The following LRP1B variants were observed in gnomAD, a reference collection of about 807,000 sequenced individuals.
LRP1B encodes LDL receptor related protein 1B.
In LRP1B, 217 loss-of-function variants were observed where a neutral mutation model predicts 556.6. The observed-to-expected ratio is 0.39, with a 90% CI of 0.35 to 0.44. The LOEUF (loss-of-function observed/expected upper bound fraction) is 0.44, where lower values mean the gene tolerates loss of function less well. Among genes scored for constraint, LRP1B ranks in the 20% least tolerant of loss-of-function variants. The pLI, the probability that LRP1B is intolerant of heterozygous loss-of-function variation, is 1.00. For synonymous variants in LRP1B, 2,047 were observed against 1,865.8 expected, an observed-to-expected ratio of 1.10 and a Z score of -2.50; for missense variants, 5,053 against 5,620.8, an observed-to-expected ratio of 0.90 and a Z score of 3.23.
chr2:140,700,011 A>G (rs1686574147), intron 41 of LRP1B, among the ~76,000 whole-genome samples: 1 of 147,742 alleles, frequency 6.8e-6, no homozygotes, highest in African/African-American at 2.5e-5. Context: ...GATAAAACAT[A>G]TTAAACCTTC....
intron 66 of LRP1B, among the ~76,000 whole-genome samples, chr2:140,391,177 T>C (rs924055701): frequency 7.2e-5 from 11 of 152,140 alleles, no homozygotes; most frequent in Non-Finnish European, 4.4e-5. Context: ...ACATTGAATA[T>C]TACCCAAGAA....
chr2:141,530,549 T>G (rs907720689), intron 2 of LRP1B, among the ~76,000 whole-genome samples: 4 of 151,360 alleles, frequency 2.6e-5, no homozygotes, highest in Admixed American at 2.0e-4. Context: ...AGTGAATAAG[T>G]CAATGTACCT....
intron 2 of LRP1B, among the ~76,000 whole-genome samples, chr2:141,575,842 A>G (rs1229203041): frequency 6.6e-6 from 1 of 152,202 alleles, no homozygotes; most frequent in Non-Finnish European, 1.5e-5. Context: ...AACATGTGAA[A>G]AAAAGCTCAA....
At chr2:141,061,420 T>A (rs1177046148) in intron 8 of LRP1B, among the ~76,000 whole-genome samples, 1 of 151,768 alleles carries the variant, frequency 6.6e-6, no homozygotes, top group African/African-American at 2.4e-5. Flanking sequence ...AAATATATTA[T>A]AGTAAATAAG....
intron 86 of LRP1B, among the ~76,000 whole-genome samples, chr2:140,247,971 C>T (rs549597916): frequency 6.6e-6 from 1 of 151,666 alleles, no homozygotes; most frequent in East Asian, 2.0e-4. Context: ...ATTTAATTGG[C>T]TTCAGTTCGT....
At chr2:141,287,147 G>A (rs1188663906) in intron 3 of LRP1B, among the ~76,000 whole-genome samples, 4 of 151,966 alleles carry the variant, frequency 2.6e-5, no homozygotes, top group Non-Finnish European at 5.9e-5. Context: ...AAAAACAAAT[G>A]TTGGATTTGT....
chr2:140,440,047 T>C (rs1686358536), intron 66 of LRP1B, among the ~76,000 whole-genome samples: 1 of 152,154 alleles, frequency 6.6e-6, no homozygotes, highest in African/African-American at 2.4e-5. Flanking sequence ...ATTATTTAAA[T>C]TAGAATATGT....
chr2:140,572,795 C>CATAAAATAAAATGAAATAAA (rs375820122), intron 43 of LRP1B, among the ~76,000 whole-genome samples: 55 of 135,076 alleles, frequency 4.1e-4, no homozygotes, highest in Admixed American at 1.4e-3. Flanking sequence ...ACTATTCAGC[C>CATAAAATAAAATGAAATAAA]ATAAAATAAA....
chr2:140,841,814 G>A (rs1445402548), intron 29 of LRP1B, among the ~76,000 whole-genome samples: 2 of 151,988 alleles, frequency 1.3e-5, no homozygotes, highest in Non-Finnish European at 2.9e-5. Context: ...CTTAAAAACT[G>A]CACCTTTTCA....
intron 41 of LRP1B, among the ~76,000 whole-genome samples, chr2:140,694,740 G>A (rs1686365627): frequency 6.6e-6 from 1 of 151,980 alleles, no homozygotes; most frequent in Non-Finnish European, 1.5e-5. Context: ...GTGTTCTCAT[G>A]TTTTTTGTAT....
chr2:140,444,498 A>G (rs757189754), intron 64 of LRP1B, 49 bp from the exon 65 acceptor site: 3 of 1,613,144 alleles, frequency 1.9e-6, no homozygotes, highest in Non-Finnish European at 1.7e-6. Context: ...CTGAATTAAA[A>G]TCACACAGAC....
intron 41 of LRP1B, among the ~76,000 whole-genome samples, chr2:140,686,553 A>G (rs935548537): frequency 6.6e-6 from 1 of 152,056 alleles, no homozygotes; most frequent in African/African-American, 2.4e-5. Flanking sequence ...GACTGGGAAG[A>G]AAAGTAATAC....
At chr2:141,171,618 T>C (rs75676817) in intron 7 of LRP1B, among the ~76,000 whole-genome samples, 95 of 152,116 alleles carry the variant, frequency 6.2e-4, no homozygotes, top group African/African-American at 2.1e-3. Flanking sequence ...CTTCCAAACA[T>C]CTCATCAGAA....
At chr2:140,670,123 G>C (rs1355698248) in intron 41 of LRP1B, among the ~76,000 whole-genome samples, 3 of 152,120 alleles carry the variant, frequency 2.0e-5, no homozygotes, top group Admixed American at 6.5e-5. Context: ...ACTGGTAGAT[G>C]TTTAAATGTA....
At chr2:141,214,382 C>T (rs1682695798) in intron 6 of LRP1B, among the ~76,000 whole-genome samples, 1 of 152,150 alleles carries the variant, frequency 6.6e-6, no homozygotes, top group African/African-American at 2.4e-5. Flanking sequence ...TGTCCTTTAA[C>T]TGTTACTCTA....
intron 1 of LRP1B, among the ~76,000 whole-genome samples, chr2:142,129,584 T>TCTCTCTCTCTCTCTC (rs1707775509): frequency 7.4e-6 from 1 of 134,734 alleles, no homozygotes; most frequent in African/African-American, 2.8e-5. Flanking sequence ...CTTTCTCTCT[T>TCTCTCTCTCTCTCTC]TCTCTCTCTC....
At chr2:140,379,461 G>A (rs138647441) in intron 67 of LRP1B, among the ~76,000 whole-genome samples, 75 of 152,240 alleles carry the variant, frequency 4.9e-4, no homozygotes, top group Admixed American at 1.6e-3. Flanking sequence ...TTGGGAGGCC[G>A]AGGCGGGCAG....
intron 1 of LRP1B, among the ~76,000 whole-genome samples, chr2:141,887,959 A>G (rs558788171): frequency 2.4e-4 from 37 of 152,310 alleles, no homozygotes; most frequent in African/African-American, 8.4e-4. Flanking sequence ...CCTGTCAAAA[A>G]CTAAAGATGA....
intron 3 of LRP1B, among the ~76,000 whole-genome samples, chr2:141,447,984 G>C (rs1189248127): frequency 1.2e-4 from 18 of 152,188 alleles, no homozygotes; most frequent in Admixed American, 1.2e-3. Context: ...TGGTAGGCAG[G>C]AACATTTAAG....
Sources: allele counts gnomAD v4.1 joint callset (sites outside exome capture counted in the v4.1 genomes callset), GRCh38; gene constraint gnomAD v4.1.1; transcripts MANE v1.5; gene names NCBI Gene and HGNC (gene_info 2026-07-23, HGNC 2026-07-21).